ROR2: variants seen among roughly 807,000 people sequenced by gnomAD.
ROR2 encodes tyrosine-protein kinase transmembrane receptor ROR2.
In ROR2, 33 loss-of-function variants were observed where a neutral mutation model predicts 74.9. The observed-to-expected ratio is 0.44, with a 90% CI of 0.33 to 0.59. ROR2 has a LOEUF of 0.59. ROR2 is among the 20% of genes least tolerant of loss of function. ROR2 has a pLI of 0.02. For missense variants in ROR2, 1,216 were observed against 1,313.8 expected (o/e 0.93, Z 1.15); for synonymous variants, 586 against 558.7 (o/e 1.05, Z -0.69).
chr9:91,880,319 T>A (rs1193160015), intron 1 of ROR2, among the ~76,000 whole-genome samples: 1 of 152,148 alleles, frequency 6.6e-6, no homozygotes, highest in Non-Finnish European at 1.5e-5. Context: ...ATGAAATAAA[T>A]TTCCATTGTA....
intron 4 of ROR2, among the ~76,000 whole-genome samples, chr9:91,750,540 C>T (rs908290995): frequency 5.3e-5 from 8 of 152,242 alleles, no homozygotes; most frequent in African/African-American, 1.2e-4. Context: ...TTCAGCGCCA[C>T]GCCTGGGAGC....
chr9:91,797,050 C>T (rs1477679934), intron 1 of ROR2, among the ~76,000 whole-genome samples: 8 of 102,460 alleles, frequency 7.8e-5, no homozygotes, highest in Admixed American at 3.6e-4. Flanking sequence ...GGGGCTGACA[C>T]CCTGGCTCTG....
chr9:91,740,391 A>T (rs547800380), intron 4 of ROR2, among the ~76,000 whole-genome samples: 1 of 151,994 alleles, frequency 6.6e-6, no homozygotes, highest in African/African-American at 2.4e-5. Context: ...TACTAAAAAT[A>T]CAAAAACAAA....
intron 1 of ROR2, among the ~76,000 whole-genome samples, chr9:91,899,683 C>T (rs767300118): frequency 3.3e-5 from 5 of 152,082 alleles, no homozygotes; most frequent in Admixed American, 6.5e-5. Context: ...GAGTTCCCCA[C>T]GCTCTGCCTG....
chr9:91,900,880 A>G (rs1307773878), intron 1 of ROR2, among the ~76,000 whole-genome samples: 1 of 152,276 alleles, frequency 6.6e-6, no homozygotes, highest in Non-Finnish European at 1.5e-5. Flanking sequence ...TATTAATTAA[A>G]AAGAGCAACT....
chr9:91,874,857 C>A (rs1312077410), intron 1 of ROR2, among the ~76,000 whole-genome samples: 5 of 152,008 alleles, frequency 3.3e-5, no homozygotes, highest in Non-Finnish European at 7.4e-5. Flanking sequence ...ATCACTTGAA[C>A]CCCAGAGGTG....
chr9:91,811,670 G>A (rs1340667328), intron 1 of ROR2, among the ~76,000 whole-genome samples: 1 of 152,148 alleles, frequency 6.6e-6, no homozygotes, highest in African/African-American at 2.4e-5. Flanking sequence ...GACACCCAGG[G>A]CCGGGGATCC....
At chr9:91,816,614 A>C (rs1827945510) in intron 1 of ROR2, among the ~76,000 whole-genome samples, 3 of 148,094 alleles carry the variant, frequency 2.0e-5, no homozygotes, top group African/African-American at 5.0e-5. Context: ...ACACCACCCC[A>C]CAGCTCCCCG....
At chr9:91,904,765 C>T (rs983657434) in intron 1 of ROR2, among the ~76,000 whole-genome samples, 1 of 152,174 alleles carries the variant, frequency 6.6e-6, no homozygotes, top group African/African-American at 2.4e-5. Context: ...CTCTGCCACC[C>T]GTGGCCTCAG....
chr9:91,779,804 C>A (rs1587711423), intron 1 of ROR2, among the ~76,000 whole-genome samples: 1 of 152,314 alleles, frequency 6.6e-6, no homozygotes, highest in African/African-American at 2.4e-5. Context: ...ATGATTTATA[C>A]AGCATGCTGG....
At chr9:91,807,772 G>C (rs1827614966) in intron 1 of ROR2, among the ~76,000 whole-genome samples, 1 of 152,134 alleles carries the variant, frequency 6.6e-6, no homozygotes, top group Admixed American at 6.5e-5. Flanking sequence ...TGTTGCTGTG[G>C]TGTGAGAGCA....
intron 1 of ROR2, among the ~76,000 whole-genome samples, chr9:91,867,895 T>C (rs1412932104): frequency 2.0e-5 from 3 of 152,140 alleles, no homozygotes; most frequent in Admixed American, 6.5e-5. Context: ...ACAGACTGAC[T>C]GCCCGTAAAA....
At chr9:91,726,954 C>T (rs762092556) in intron 7 of ROR2, among the ~76,000 whole-genome samples, 15 of 152,228 alleles carry the variant, frequency 9.9e-5, no homozygotes, top group Non-Finnish European at 1.6e-4. Flanking sequence ...GGAAACAAAA[C>T]CCAAAACTGC....
At chr9:91,756,668 C>T (rs890534027) in intron 3 of ROR2, among the ~76,000 whole-genome samples, 2 of 151,850 alleles carry the variant, frequency 1.3e-5, no homozygotes, top group Non-Finnish European at 2.9e-5. Flanking sequence ...CTCAGCTCCT[C>T]GTGTGTGCCT....
chr9:91,762,844 G>A (rs1287011516), intron 2 of ROR2, among the ~76,000 whole-genome samples: 5 of 152,144 alleles, frequency 3.3e-5, no homozygotes, highest in Non-Finnish European at 5.9e-5. Flanking sequence ...CCAGTTGAAG[G>A]ACTGTAAGCT....
At chr9:91,818,637 T>C (rs542038073) in intron 1 of ROR2, among the ~76,000 whole-genome samples, 3 of 152,250 alleles carry the variant, frequency 2.0e-5, no homozygotes, top group Admixed American at 1.3e-4. Flanking sequence ...TGGGACTCTC[T>C]AGAAGAAAAG....
At chr9:91,848,975 T>G (rs1431765968) in intron 1 of ROR2, among the ~76,000 whole-genome samples, 1 of 152,134 alleles carries the variant, frequency 6.6e-6, no homozygotes, top group Non-Finnish European at 1.5e-5. Context: ...ACTCTTACAA[T>G]GGACTGCAGT....
At chr9:91,858,760 G>A (rs1383838104) in intron 1 of ROR2, among the ~76,000 whole-genome samples, 4 of 152,142 alleles carry the variant, frequency 2.6e-5, no homozygotes, top group Non-Finnish European at 5.9e-5. Context: ...ATGCCACAGG[G>A]AGTTCTAAGT....
chr9:91,730,348 C>T (rs1837193989), intron 7 of ROR2, among the ~76,000 whole-genome samples: 1 of 152,176 alleles, frequency 6.6e-6, no homozygotes. Flanking sequence ...AAACAAGTCA[C>T]TACTGGGTGG....
Sources: allele counts gnomAD v4.1 joint callset (sites outside exome capture counted in the v4.1 genomes callset), GRCh38; gene constraint gnomAD v4.1.1; transcripts MANE v1.5; gene names NCBI Gene and HGNC (gene_info 2026-07-23, HGNC 2026-07-21).